Variants in CDH12 observed in about 807,000 individuals in gnomAD.
CDH12 encodes cadherin 12.
A neutral mutation model predicts 74.1 loss-of-function variants in CDH12; 41 were observed. The observed-to-expected ratio is 0.55, with a 90% CI of 0.43 to 0.72. The LOEUF (loss-of-function observed/expected upper bound fraction) is 0.72. Ranked by LOEUF, CDH12 falls within the 30% of genes least tolerant of loss-of-function variation. The pLI is 0.00. For synonymous variants in CDH12, 399 were observed against 355.0 expected, an observed-to-expected ratio of 1.12 and a Z score of -1.39; for missense variants, 945 against 977.2, an observed-to-expected ratio of 0.97 and a Z score of 0.44.
chr5:22,469,952 A>G (rs1163991051), intron 2 of CDH12, among the ~76,000 whole-genome samples: 1 of 152,220 alleles, frequency 6.6e-6, no homozygotes, highest in Non-Finnish European at 1.5e-5. Context: ...ATTTGACATA[A>G]GTAAGTCTGC....
At chr5:22,726,162 T>C (rs1478872369) in intron 1 of CDH12, among the ~76,000 whole-genome samples, 1 of 151,786 alleles carries the variant, frequency 6.6e-6, no homozygotes, top group Non-Finnish European at 1.5e-5. Flanking sequence ...ACAGAGTATT[T>C]CCACTACCTT....
At chr5:22,147,440 C>T (rs1747262280) in intron 4 of CDH12, among the ~76,000 whole-genome samples, 1 of 152,060 alleles carries the variant, frequency 6.6e-6, no homozygotes, top group Admixed American at 6.6e-5. Context: ...TTGGAATCCA[C>T]TGGATTTGCC....
intron 1 of CDH12, among the ~76,000 whole-genome samples, chr5:22,510,228 C>A (rs1736544631): frequency 6.6e-6 from 1 of 152,090 alleles, no homozygotes; most frequent in African/African-American, 2.4e-5. Flanking sequence ...AAAATGCTTT[C>A]TCTCTATATA....
At chr5:22,539,695 G>T (rs1738013272) in intron 1 of CDH12, among the ~76,000 whole-genome samples, 1 of 152,188 alleles carries the variant, frequency 6.6e-6, no homozygotes, top group African/African-American at 2.4e-5. Context: ...AGAAAAGTTT[G>T]TTAATTTGTC....
chr5:22,739,847 C>T (rs553379383), intron 1 of CDH12, among the ~76,000 whole-genome samples: 1 of 152,198 alleles, frequency 6.6e-6, no homozygotes, highest in African/African-American at 2.4e-5. Context: ...CTGATTCCAA[C>T]ACTTACTTGC....
chr5:22,297,553 A>T (rs1049201968), intron 3 of CDH12, among the ~76,000 whole-genome samples: 1 of 152,210 alleles, frequency 6.6e-6, no homozygotes, highest in Non-Finnish European at 1.5e-5. Context: ...TTACAATGAC[A>T]TATATGGCAA....
chr5:22,330,479 G>C, intron 3 of CDH12, among the ~76,000 whole-genome samples: 1 of 152,198 alleles, frequency 6.6e-6, no homozygotes, highest in Middle Eastern at 3.4e-3. Context: ...GGGGCCAAGC[G>C]TGGTGGCTCA....
chr5:22,367,874 T>C (rs1741099484), intron 3 of CDH12, among the ~76,000 whole-genome samples: 1 of 152,196 alleles, frequency 6.6e-6, no homozygotes, highest in South Asian at 2.1e-4. Context: ...TAACAAACCA[T>C]ATCCATAAAA....
intron 3 of CDH12, among the ~76,000 whole-genome samples, chr5:22,372,480 G>A (rs903909574): frequency 1.3e-5 from 2 of 152,114 alleles, no homozygotes; most frequent in Non-Finnish European, 2.9e-5. Context: ...ACTGCCTACA[G>A]ATTGTGCAGA....
At chr5:22,790,766 C>T (rs1466957892) in intron 1 of CDH12, among the ~76,000 whole-genome samples, 1 of 152,050 alleles carries the variant, frequency 6.6e-6, no homozygotes, top group African/African-American at 2.4e-5. Context: ...ATTGATGGAG[C>T]TGTTACGTAA....
chr5:22,138,590 T>G (rs1746590914), intron 4 of CDH12, among the ~76,000 whole-genome samples: 1 of 150,648 alleles, frequency 6.6e-6, no homozygotes, highest in Non-Finnish European at 1.5e-5. Flanking sequence ...TTGAATTTGA[T>G]GGAAGCATTT....
At chr5:22,247,298 G>A (rs191897843) in intron 3 of CDH12, among the ~76,000 whole-genome samples, 1 of 77,804 alleles carries the variant, frequency 1.3e-5, no homozygotes, top group East Asian at 4.0e-4. Flanking sequence ...ATTCAGCGTT[G>A]CTCCAACGTC....
chr5:22,343,323 CAGAGAG>C lies in CDH12; in HGVS notation c.-333+61928_-333+61933del, dbSNP rs377016972. 3.4e-3 allele frequency among the ~76,000 whole-genome samples: 461 copies of C among 136,298 alleles called. 5 individuals carry two copies. Among genetic ancestry groups the C allele is most frequent in the African/African-American group, 8.9e-3 (306 of 34,474 alleles). 89.4% of individuals were successfully genotyped at this position (136,298 alleles called of 152,430 possible). ...ACACACACACACACAGACACACACACAGAGAGAGAGAGAGAGAGAGAGAGAGAGAGA... is the reference window on the plus strand; with the variant it reads ...ACACACACACACACAGACACACACACAGAGAGAGAGAGAGAGAGAGAGAGA... On this transcript the variant is annotated intron_variant, in intron 3 of 14. Transcript: ENST00000382254.
chr5:21,940,460 T>C (rs1755279722), intron 6 of CDH12, among the ~76,000 whole-genome samples: 1 of 152,212 alleles, frequency 6.6e-6, no homozygotes, highest in South Asian at 2.1e-4. Context: ...TGTCTCCACA[T>C]GGAAAATTTC....
intron 2 of CDH12, among the ~76,000 whole-genome samples, chr5:22,483,765 A>ATATATATATATATATATAT (rs1365052831): frequency 1.4e-4 from 3 of 22,160 alleles, no homozygotes; most frequent in South Asian, 1.3e-3. Context: ...TATATATATA[A>ATATATATATATATATATAT]ATTTAATTAA....
rs190002286 is a variant in CDH12 at position 22,258,130 on chromosome 5, C to T, written c.-332-45487G>A. On this transcript the variant is annotated intron_variant, in intron 3 of 14. Coordinates refer to ENST00000382254, the MANE Select transcript of CDH12 (RefSeq NM_004061.5). The stretch of plus-strand genomic sequence containing the variant: ...GCTTTTATTTTTTGTTTTTTACCAT[C>T]TTGTGAAAGGTTTCTGAAACTCGAT... Among the ~76,000 whole-genome samples the T allele has an allele frequency of 7.4e-4, 112 of 152,008 alleles. 1 individual carries two copies. The highest frequency in any genetic ancestry group is 2.7e-3 in the African/African-American group (110 of 41,484).
rs941354287 is a variant in CDH12 at position 22,142,503 on chromosome 5, C to A, written c.-186-63641G>T. 13 of 662,794 alleles carry A rather than the reference C, an allele frequency of 2.0e-5. 1 individual carries two copies. The highest frequency in any genetic ancestry group is 5.5e-5 in the African/African-American group (3 of 54,642). 41.1% of individuals were successfully genotyped at this position (662,794 alleles called of 1,614,324 possible). A position where few individuals can be genotyped will look rare whatever the true frequency, so the allele number is the denominator to read the frequency against. On this transcript the variant is annotated intron_variant, in intron 4 of 14. Transcript: ENST00000382254. Reference sequence around the variant, plus strand: ...CCAGCTGAGAATGGGGTTCAGGATACCGAATCAACACAAGAAAAGAGAGAA... The same window carrying A: ...CCAGCTGAGAATGGGGTTCAGGATAACGAATCAACACAAGAAAAGAGAGAA...
At chr5:21,863,905 T>C (rs1751186942) in intron 6 of CDH12, among the ~76,000 whole-genome samples, 1 of 152,158 alleles carries the variant, frequency 6.6e-6, no homozygotes. Context: ...TTCTTTTTGC[T>C]TTTGTCTTGT....
At chr5:22,460,834 C>A (rs2136218) in intron 2 of CDH12, among the ~76,000 whole-genome samples, 69,804 of 148,326 alleles carry the variant, frequency 0.47, 16,784 homozygotes, top group Admixed American at 0.64. Context: ...GATTCTCCTG[C>A]CTTGATCCCC....
Sources: allele counts gnomAD v4.1 joint callset (sites outside exome capture counted in the v4.1 genomes callset), GRCh38; gene constraint gnomAD v4.1.1; transcripts MANE v1.5; gene names NCBI Gene and HGNC (gene_info 2026-07-23, HGNC 2026-07-21).